EXPH5: variants seen among roughly 807,000 people sequenced by gnomAD.
EXPH5 encodes exophilin-5.
EXPH5 carries 42 observed loss-of-function variants against 41.1 expected under a neutral mutation model. The observed-to-expected ratio is 1.02, with a 90% confidence interval of 0.80 to 1.32. EXPH5 has a LOEUF of 1.32. Among genes scored for constraint, EXPH5 ranks in the 40% most tolerant of loss-of-function variants. EXPH5 has a pLI of 0.00. For synonymous variants in EXPH5, 798 were observed against 833.5 expected, an observed-to-expected ratio of 0.96 and a Z score of 0.73; for missense variants, 2,298 against 2,314.5, an observed-to-expected ratio of 0.99 and a Z score of 0.15.
chr11:108,510,648 A>C lies in EXPH5; in HGVS notation c.4859T>G (p.Phe1620Cys). 1 of 1,614,094 alleles carries C rather than the reference A, an allele frequency of 6.2e-7. No individual in the cohort carries two copies. The highest frequency in any genetic ancestry group is 8.5e-7 in the Non-Finnish European group (1 of 1,180,018). Reference protein sequence around the residue: ...VSPRRHVATIFPQSGSRSGFD... With the variant: ...VSPRRHVATICPQSGSRSGFD... ...GCCAGATCTGCTTCCACTTTGGGGGAAGATAGTAGCTACATGTCTTCTGGG... is the reference window on the plus strand; with the variant it reads ...GCCAGATCTGCTTCCACTTTGGGGGCAGATAGTAGCTACATGTCTTCTGGG... Residue 1620 changes from phenylalanine to cysteine, a missense_variant, in exon 6 of 6, where the codon TTC becomes TGC. Physicochemically the swap from Phe to Cys is radical, Grantham distance 205 (BLOSUM62 -2). Coordinates refer to ENST00000265843, the MANE Select transcript of EXPH5 (RefSeq NM_015065.3).
intron 3 of EXPH5, chr11:108,537,927 G>A: frequency 1.0e-6 from 1 of 952,602 alleles, no homozygotes; most frequent in Non-Finnish European, 1.2e-6. Flanking sequence ...AGAATCACTA[G>A]TGTCTCAAAA....
At chr11:108,596,981 C>A (rs942192213), upstream of EXPH5, among the ~76,000 whole-genome samples, 1 of 152,128 alleles carries the variant, frequency 6.6e-6, no homozygotes, top group African/African-American at 2.4e-5. Context: ...AACCTTTTGC[C>A]CAGGCTCTCA....
chr11:108,548,109 TAAAAAAAAAAAAAA>T (rs66485994), intron 1 of EXPH5, among the ~76,000 whole-genome samples: 3 of 108,202 alleles, frequency 2.8e-5, no homozygotes, highest in African/African-American at 1.2e-4. Flanking sequence ...ACTTCATCTT[TAAAAAAAAAAAAAA>T]AAAAAAAAAA....
chr11:108,505,692 G>A lies in EXPH5; in HGVS notation c.*3845C>T, dbSNP rs1488518963. ...ACATATTTACACTGTACATTTAAAT[G>A]GGATATTCTGAAGCATTATTATTAT... On this transcript the variant is annotated 3_prime_UTR_variant, in exon 6 of 6. Transcript: ENST00000265843. The A allele has an allele frequency of 6.6e-6, 1 of 152,156 alleles. No individual in the cohort carries two copies. Among genetic ancestry groups the A allele is most frequent in the Non-Finnish European group, 1.5e-5 (1 of 68,032 alleles). The allele number at this position is 152,156 out of a possible 1,614,324, so 9.4% of individuals were successfully genotyped here.
Position 108,525,394 on chromosome 11 carries a change from G to A in EXPH5, c.492+2742C>T, listed in dbSNP as rs115007830. 2.2e-3 allele frequency among the ~76,000 whole-genome samples: 328 copies of A among 152,318 alleles called. 1 individual carries two copies. Among genetic ancestry groups the A allele is most frequent in the African/African-American group, 7.5e-3 (313 of 41,578 alleles). On this transcript the variant is annotated intron_variant, in intron 4 of 5. Coordinates refer to ENST00000265843, the MANE Select transcript of EXPH5 (RefSeq NM_015065.3). ...GCCAGAGTTTGTTCAGAGATAAGGAGTAGTCAAGTGGCCCAGGCATGCTCC... is the reference window on the plus strand; with the variant it reads ...GCCAGAGTTTGTTCAGAGATAAGGAATAGTCAAGTGGCCCAGGCATGCTCC...
At position 108,509,908 on chromosome 11, in the gene EXPH5, G is replaced by T. The variant is rs747342461; in HGVS notation, c.5599C>A (p.Arg1867Ser). The change falls in exon 6 of 6, where the codon CGC becomes AGC. Residue 1867 changes from arginine (R) to serine (S), a missense_variant. Coordinates refer to ENST00000265843, the MANE Select transcript of EXPH5 (RefSeq NM_015065.3). ...CTGGGACCTGTTTTTGTCCCGCTGC[G>T]ATAAGCCCAACTTTCATTTCCATCA... ...SCDGNESWAY[R>S]SGTKTGPRSA... 6.2e-7 allele frequency: 1 copy of T among 1,608,566 alleles called. No individual in the cohort carries two copies. The highest frequency in any genetic ancestry group is 8.5e-7 in the Non-Finnish European group (1 of 1,178,026).
At chr11:108,597,423 C>T (rs1445660762), upstream of EXPH5, among the ~76,000 whole-genome samples, 2 of 152,160 alleles carry the variant, frequency 1.3e-5, no homozygotes, top group Non-Finnish European at 2.9e-5. Flanking sequence ...TCTTGAATTC[C>T]TGACCTCAGG....
upstream of EXPH5, among the ~76,000 whole-genome samples, chr11:108,596,974 C>G (rs758766244): frequency 6.6e-6 from 1 of 152,132 alleles, no homozygotes; most frequent in Non-Finnish European, 1.5e-5. Context: ...TCCTGGCAAC[C>G]TTTTGCCCAG....
intron 3 of EXPH5, among the ~76,000 whole-genome samples, chr11:108,538,480 A>G (rs1037427828): frequency 2.6e-5 from 4 of 152,158 alleles, no homozygotes; most frequent in Non-Finnish European, 4.4e-5. Context: ...CTCACCTTAT[A>G]CATTCTGAGC....
At chr11:108,521,053 A>G (rs1329162035) in intron 4 of EXPH5, among the ~76,000 whole-genome samples, 10 of 151,938 alleles carry the variant, frequency 6.6e-5, no homozygotes, top group African/African-American at 2.4e-4. Flanking sequence ...TCATGACTCC[A>G]CTTTAGCTCA....
rs2846412 is a variant in EXPH5, at chr11:108,513,480, C to T, written c.2027G>A (p.Ser676Asn). 0.47 allele frequency: 760,932 copies of T among 1,613,336 alleles called. 189,366 individuals are homozygous for T. Among genetic ancestry groups the T allele is most frequent in the East Asian group, 0.91 (40,728 of 44,872 alleles). Residue 676 changes from serine (S) to asparagine (N), a missense_variant, in exon 6 of 6, where the codon AGC becomes AAC. Coordinates refer to ENST00000265843, the MANE Select transcript of EXPH5 (RefSeq NM_015065.3). ...AGGCAGAGAGTCAACTGAATTGCTG[C>T]TGGTCACAGTGACTTCTGTATGGCT... is the stretch of plus-strand genomic sequence containing the variant. ...MRSHTEVTVT[S>N]SNSVDSLPLA...
intron 1 of EXPH5, among the ~76,000 whole-genome samples, chr11:108,545,503 C>T (rs1201812495): frequency 1.3e-5 from 2 of 152,090 alleles, no homozygotes; most frequent in African/African-American, 2.4e-5. Flanking sequence ...ATGACTTATT[C>T]ACTCAGCACA....
At chr11:108,593,334 C>T (rs1591766265) in intron 1 of EXPH5, 84 bp downstream of exon 1, 1 of 1,263,492 alleles carries the variant, frequency 7.9e-7, no homozygotes, top group Non-Finnish European at 1.1e-6. Flanking sequence ...GCAGGTGCCC[C>T]GCGCGAGCTC....
chr11:108,592,500 G>C (rs930506321), intron 1 of EXPH5, among the ~76,000 whole-genome samples: 2 of 152,178 alleles, frequency 1.3e-5, no homozygotes, highest in African/African-American at 4.8e-5. Flanking sequence ...TGTGGTCTGA[G>C]AGTGATGTCC....
At position 108,541,772 on chromosome 11, in the gene EXPH5, C is replaced by T. The variant is rs149269295; in HGVS notation, c.160G>A (p.Gly54Arg). 10 of 1,611,450 alleles carry T rather than the reference C, an allele frequency of 6.2e-6. No homozygotes were observed. The highest frequency in any genetic ancestry group is 3.4e-5 in the Admixed American group (2 of 59,660). ...TCTTCAAACCATTCACCAGTCACTCCCTGAAGCCATCTGATATCCCTCTTT... is the reference window on the plus strand; with the variant it reads ...TCTTCAAACCATTCACCAGTCACTCTCTGAAGCCATCTGATATCCCTCTTT... ...KTKRDIRWLQ[G>R]VTGEWFEEIQ... The change falls in exon 2 of 6, where the codon GGA becomes AGA. Residue 54 changes from glycine (G) to arginine (R), a missense_variant. Coordinates refer to ENST00000265843, the MANE Select transcript of EXPH5 (RefSeq NM_015065.3).
chr11:108,572,884 T>C (rs2094065476), intron 1 of EXPH5, among the ~76,000 whole-genome samples: 1 of 152,066 alleles, frequency 6.6e-6, no homozygotes, highest in Admixed American at 6.6e-5. Context: ...CTGTTAGTCA[T>C]TTACCTCTGC....
At chr11:108,558,434 G>A (rs1399168592) in intron 1 of EXPH5, among the ~76,000 whole-genome samples, 2 of 152,152 alleles carry the variant, frequency 1.3e-5, no homozygotes, top group African/African-American at 4.8e-5. Flanking sequence ...AGGTTGCAAA[G>A]GGTATGCCCC....
intron 4 of EXPH5, among the ~76,000 whole-genome samples, chr11:108,521,607 T>C (rs1371681252): frequency 3.9e-5 from 6 of 152,176 alleles, no homozygotes; most frequent in Non-Finnish European, 8.8e-5. Flanking sequence ...AAACTAATCA[T>C]TTGAGAAATC....
intron 4 of EXPH5, among the ~76,000 whole-genome samples, chr11:108,520,552 TG>T (rs1360335421): frequency 7.1e-6 from 1 of 141,284 alleles, no homozygotes; most frequent in Non-Finnish European, 1.5e-5. Context: ...CCTTTATTAT[TG>T]TTTTATTTAT....
Sources: allele counts gnomAD v4.1 joint callset (sites outside exome capture counted in the v4.1 genomes callset), GRCh38; gene constraint gnomAD v4.1.1; transcripts MANE v1.5; gene names NCBI Gene and HGNC (gene_info 2026-07-23, HGNC 2026-07-21).